ZSWIM6: variants seen among roughly 807,000 people sequenced by gnomAD.
The protein encoded by ZSWIM6 is zinc finger SWIM-type containing 6, also known as zinc finger SWIM domain-containing protein 6.
Under a neutral mutation model 113.2 loss-of-function variants are expected in ZSWIM6, and 9 were observed. The ratio of observed to expected loss-of-function variants is 0.08; its 90% CI spans 0.05 to 0.14. ZSWIM6 has a LOEUF of 0.14. Ranked by LOEUF, ZSWIM6 falls within the 10% of genes least tolerant of loss-of-function variation. The pLI, the probability that ZSWIM6 is intolerant of heterozygous loss-of-function variation, is 1.00. For missense variants in ZSWIM6, 1,162 were observed against 1,552.2 expected (o/e 0.75, Z 4.22); for synonymous variants, 611 against 606.5 (o/e 1.01, Z -0.11).
chr5:61,540,441 T>C (rs377656871), intron 12 of ZSWIM6, among the ~76,000 whole-genome samples: 24 of 152,214 alleles, frequency 1.6e-4, no homozygotes, highest in South Asian at 2.1e-4. Flanking sequence ...AAAATTGTTA[T>C]ACCCCAGTTA....
At chr5:61,530,023 C>A (rs1054758760) in intron 7 of ZSWIM6, 29 bp from the exon 8 acceptor site, 1 of 1,524,064 alleles carries the variant, frequency 6.6e-7, no homozygotes, top group Non-Finnish European at 8.9e-7. Context: ...TTCTACTCCC[C>A]CATTTCTCAA....
intron 1 of ZSWIM6, among the ~76,000 whole-genome samples, chr5:61,419,729 C>G (rs1746319572): frequency 6.6e-6 from 1 of 152,172 alleles, no homozygotes; most frequent in African/African-American, 2.4e-5. Context: ...ACAATGCAAG[C>G]CTCTCCTGAA....
intron 2 of ZSWIM6, among the ~76,000 whole-genome samples, chr5:61,474,708 T>C (rs1017941296): frequency 1.3e-5 from 2 of 152,162 alleles, no homozygotes; most frequent in African/African-American, 4.8e-5. Context: ...GTCTTCTGAG[T>C]ATGAGAATAC....
intron 4 of ZSWIM6, among the ~76,000 whole-genome samples, chr5:61,511,320 C>T (rs1748780538): frequency 6.6e-6 from 1 of 152,116 alleles, no homozygotes; most frequent in African/African-American, 2.4e-5. Flanking sequence ...CTGTAAGCAT[C>T]TGAGTTTTAT....
intron 1 of ZSWIM6, among the ~76,000 whole-genome samples, chr5:61,453,376 C>G (rs1243424902): frequency 7.7e-6 from 1 of 130,424 alleles, no homozygotes; most frequent in Non-Finnish European, 1.7e-5. Context: ...CACTCTCTCT[C>G]TCTTTTTTTT....
intron 1 of ZSWIM6, 77 bp downstream of exon 1, chr5:61,333,025 T>C (rs1341285387): frequency 6.4e-6 from 7 of 1,090,744 alleles, no homozygotes; most frequent in Non-Finnish European, 7.9e-6. Context: ...GCCTTTCTCC[T>C]GCGGACAGCC....
intron 4 of ZSWIM6, among the ~76,000 whole-genome samples, chr5:61,500,236 C>T (rs1266624538): frequency 1.3e-5 from 2 of 151,892 alleles, no homozygotes; most frequent in African/African-American, 4.8e-5. Context: ...CAGTAATTCT[C>T]CTACCTTAGC....
At chr5:61,366,444 A>T (rs1473279778) in intron 1 of ZSWIM6, among the ~76,000 whole-genome samples, 1 of 152,190 alleles carries the variant, frequency 6.6e-6, no homozygotes, top group Non-Finnish European at 1.5e-5. Context: ...TGAATAAGCA[A>T]CTCAAACTCT....
intron 2 of ZSWIM6, among the ~76,000 whole-genome samples, chr5:61,475,230 A>G (rs1747679788): frequency 6.6e-6 from 1 of 152,154 alleles, no homozygotes; most frequent in African/African-American, 2.4e-5. Context: ...TAGGTCATGT[A>G]ATCTGCTAGC....
rs182038509 is a variant in ZSWIM6 at position 61,346,006 on chromosome 5, G to A, written c.676+13058G>A. ...GTGGCCCAGACTGGAGTGCAGTGGC[G>A]CGATCTCAGCTCACTGCAACCTCCG... On this transcript the variant is annotated intron_variant, in intron 1 of 13. Transcript: ENST00000252744. Among the ~76,000 whole-genome samples, 529 of 152,190 alleles carry A rather than the reference G, an allele frequency of 3.5e-3. 2 individuals carry two copies. The highest frequency in any genetic ancestry group is 5.9e-3 in the Non-Finnish European group (402 of 67,988).
At position 61,472,599 on chromosome 5, in the gene ZSWIM6, C is replaced by G. The variant is rs1363965405; in HGVS notation, c.677-82C>G. On this transcript the variant is annotated intron_variant, in intron 1 of 13. Transcript: ENST00000252744. The surrounding 1 kb of genome is among the most constrained non-coding windows in gnomAD (Gnocchi z 4.1). Reference sequence around the variant, plus strand: ...ATTTTTTTCTTGCTGCTGTCAAGTCCCACACATTTCAAAGAATTAGAGCAT... The same window carrying G: ...ATTTTTTTCTTGCTGCTGTCAAGTCGCACACATTTCAAAGAATTAGAGCAT... The G allele has an allele frequency of 5.3e-6, 6 of 1,141,342 alleles. No homozygotes were observed. The highest frequency in any genetic ancestry group is 1.6e-5 in the African/African-American group (1 of 63,418). The allele number at this position is 1,141,342 out of a possible 1,614,324, so 70.7% of individuals were successfully genotyped here.
chr5:61,506,926 G>A (rs1037742879), intron 4 of ZSWIM6, among the ~76,000 whole-genome samples: 1 of 152,096 alleles, frequency 6.6e-6, no homozygotes, highest in African/African-American at 2.4e-5. Context: ...GTTTTACTTT[G>A]CCTGCCATTA....
chr5:61,441,155 A>T (rs1484610789), intron 1 of ZSWIM6, among the ~76,000 whole-genome samples: 1 of 152,238 alleles, frequency 6.6e-6, no homozygotes, highest in Non-Finnish European at 1.5e-5. Context: ...GAGATAATCT[A>T]CATGAGATTA....
chr5:61,428,522 G>T (rs956843956), intron 1 of ZSWIM6, among the ~76,000 whole-genome samples: 1 of 145,942 alleles, frequency 6.9e-6, no homozygotes, highest in Middle Eastern at 3.4e-3. Context: ...ACCGCTACAC[G>T]CAGCTAACTT....
At position 61,505,706 on chromosome 5, in the gene ZSWIM6, CCCTT is replaced by C. The variant is rs1227841516; in HGVS notation, c.1333+11315_1333+11318del. On this transcript the variant is annotated intron_variant, in intron 4 of 13. Transcript: ENST00000252744. The stretch of plus-strand genomic sequence containing the variant: ...TGCCTCCCTCCCTCCCTTCCTTCCT[CCCTT>C]CCTTCCTTCCTTCCTTCCCTCTCTC... Among the ~76,000 whole-genome samples, 17 of 103,902 alleles carry C rather than the reference CCCTT, an allele frequency of 1.6e-4. 1 individual carries two copies. Among genetic ancestry groups the C allele is most frequent in the Non-Finnish European group, 3.0e-4 (15 of 49,792 alleles). 68.2% of individuals were successfully genotyped at this position (103,902 alleles called of 152,430 possible).
chr5:61,332,764 GGCCGCAACCTCGGCCGCCGCCGCCGCT>G lies in ZSWIM6; in HGVS notation c.498_524del (p.Thr167_Ala175del). The G allele has an allele frequency of 5.6e-6, 1 of 179,726 alleles. No homozygotes were observed. The allele number at this position is 179,726 out of a possible 1,614,324, so 11.1% of individuals were successfully genotyped here. On this transcript the variant is annotated inframe_deletion, in exon 1 of 14. Transcript: ENST00000252744. ...CGTCTTCCCCGGCCGCAACCTCGGC[GGCCGCAACCTCGGCCGCCGCCGCCGCT>G]GCCGCCGCCGCCGCCGCCGCCGCCG...
At chr5:61,540,171 A>G (rs1561285383) in intron 12 of ZSWIM6, among the ~76,000 whole-genome samples, 1 of 152,192 alleles carries the variant, frequency 6.6e-6, no homozygotes, top group Non-Finnish European at 1.5e-5. Flanking sequence ...TTGCATTTTC[A>G]TAATAGATGG....
At chr5:61,369,133 T>C (rs1023038734) in intron 1 of ZSWIM6, among the ~76,000 whole-genome samples, 3 of 152,244 alleles carry the variant, frequency 2.0e-5, no homozygotes, top group Non-Finnish European at 4.4e-5. Context: ...ATCACTTCAT[T>C]GGGCACTGGA....
At chr5:61,343,253 A>T (rs985551127) in intron 1 of ZSWIM6, among the ~76,000 whole-genome samples, 3 of 152,210 alleles carry the variant, frequency 2.0e-5, no homozygotes, top group African/African-American at 7.2e-5. Context: ...GAATAAGCTG[A>T]TCAGATACTT....
Sources: allele counts gnomAD v4.1 joint callset (sites outside exome capture counted in the v4.1 genomes callset), GRCh38; gene constraint gnomAD v4.1.1; non-coding constraint Gnocchi (gnomAD v3.1); transcripts MANE v1.5; gene names NCBI Gene and HGNC (gene_info 2026-07-23, HGNC 2026-07-21).